RBM15: variants seen among roughly 807,000 people sequenced by gnomAD.
RBM15 encodes the protein RNA binding motif protein 15, also known as RNA-binding protein 15.
In RBM15, 8 loss-of-function variants were observed where a neutral mutation model predicts 62.6. That is an observed-to-expected ratio of 0.13 (90% CI 0.07 to 0.23). The LOEUF (loss-of-function observed/expected upper bound fraction) is 0.23. RBM15 is among the 10% of genes least tolerant of loss of function. The probability of loss-of-function intolerance (pLI) is 1.00; values close to 1 mark genes in which losing one functional copy is unlikely to be tolerated. For synonymous variants in RBM15, 606 were observed against 505.7 expected (o/e 1.20, Z -2.66); for missense variants, 1,144 against 1,286.5 (o/e 0.89, Z 1.69).
In RBM15 at chr1:110,340,193, A is replaced by G; in HGVS notation, c.788A>G (p.Lys263Arg). ...SRRRSRSPLD[K>R]DTYPPSASVV... ...CGCCGCAGCCGCTCCCCTTTAGACAAAGATACTTATCCTCCATCAGCCAGT... is the reference window on the plus strand; with the variant it reads ...CGCCGCAGCCGCTCCCCTTTAGACAGAGATACTTATCCTCCATCAGCCAGT... Residue 263 changes from lysine to arginine, a missense_variant, in exon 1 of 3, where the codon AAA becomes AGA. Lys to Arg is a conservative substitution (Grantham distance 26). Transcript: ENST00000369784. This position sits in a 1 kb window ranked among gnomAD's most constrained non-coding sequence, Gnocchi z 5.8. 6.2e-7 allele frequency: 1 copy of G among 1,614,108 alleles called. No individual in the cohort carries two copies. Among genetic ancestry groups the G allele is most frequent in the Non-Finnish European group, 8.5e-7 (1 of 1,179,982 alleles).
chr1:110,341,469 T>G lies in RBM15; in HGVS notation c.2064T>G (p.Asn688Lys). Residue 688 changes from asparagine (N) to lysine (K), a missense_variant, in exon 1 of 3, where the codon AAT becomes AAG. Asn to Lys is a moderately conservative substitution (Grantham distance 94). This residue lies in a region of RBM15 where 360 missense variants were observed against 342.9 expected (regional missense o/e 1.05). Coordinates refer to ENST00000369784, the MANE Select transcript of RBM15 (RefSeq NM_022768.5). This position sits in a 1 kb window ranked among gnomAD's most constrained non-coding sequence, Gnocchi z 4.5. ...GCCGGGATCGTTACAACAGCGACAA[T>G]GATCGATCTTCCCGTCTTCTCTTGG... Reference protein sequence around the residue: ...SSSRDRYNSDNDRSSRLLLER... With the variant: ...SSSRDRYNSDKDRSSRLLLER... 6.2e-7 allele frequency: 1 copy of G among 1,614,002 alleles called. No homozygotes were observed. Among genetic ancestry groups the G allele is most frequent in the Non-Finnish European group, 8.5e-7 (1 of 1,180,010 alleles).
At position 110,339,979 on chromosome 1, in the gene RBM15, C is replaced by G. The variant is rs748211303; in HGVS notation, c.574C>G (p.His192Asp). 1 of 1,613,850 alleles carries G rather than the reference C, an allele frequency of 6.2e-7. No individual in the cohort carries two copies. Among genetic ancestry groups the G allele is most frequent in the African/African-American group, 1.3e-5 (1 of 74,906 alleles). The stretch of plus-strand genomic sequence containing the variant: ...CGAAGCGGTGGAGGACGGCCTGTTT[C>G]ATGAGTTCAAACGCTTCGGTGATGT... ...SDEAVEDGLF[H>D]EFKRFGDVSV... Residue 192 changes from histidine to aspartate, a missense_variant, in exon 1 of 3, where the codon CAT (histidine) becomes GAT (aspartate). His to Asp is a moderately conservative substitution (Grantham distance 81, BLOSUM62 -1). This residue lies in a region of RBM15 where 15 missense variants were observed against 35.0 expected (regional missense o/e 0.43). Transcript: ENST00000369784.
At position 110,339,836 on chromosome 1, in the gene RBM15, C is replaced by A. The variant is rs1157018501; in HGVS notation, c.431C>A (p.Ser144Tyr). The A allele has an allele frequency of 6.2e-7, 1 of 1,600,138 alleles. No individual in the cohort carries two copies. The highest frequency in any genetic ancestry group is 1.7e-5 in the Admixed American group (1 of 59,512). ...GGCGGGGGCGAATCGCGCAGCAGCT[C>A]CCGGGGTGGAGGCGGGGAGTCACGT... ...SSGGGESRSS[S>Y]RGGGGESRSS... The change falls in exon 1 of 3, where the codon TCC (serine) becomes TAC (tyrosine). Residue 144 changes from serine (S) to tyrosine (Y), a missense_variant. This residue lies in a region of RBM15 where 298 missense variants were observed against 250.0 expected (regional missense o/e 1.19). Coordinates refer to ENST00000369784, the MANE Select transcript of RBM15 (RefSeq NM_022768.5).
chr1:110,342,591 T>C (rs1370451585), intron 1 of RBM15: 1 of 302,592 alleles, frequency 3.3e-6, no homozygotes, highest in African/African-American at 2.1e-5. Flanking sequence ...AATCTTGAGC[T>C]TAAAAAATCC....
Position 110,340,582 on chromosome 1 carries a change from G to T in RBM15, c.1177G>T (p.Ala393Ser). Residue 393 changes from alanine (A) to serine (S), a missense_variant, in exon 1 of 3, where the codon GCG (alanine) becomes TCG (serine). Physicochemically the swap from Ala to Ser is moderately conservative, Grantham distance 99 (BLOSUM62 1). This residue lies in a region of RBM15 where 105 missense variants were observed against 193.6 expected (regional missense o/e 0.54). Transcript: ENST00000369784. The surrounding 1 kb of genome is among the most constrained non-coding windows in gnomAD (Gnocchi z 5.8). ...ITVTESDLRR[A>S]FDRFGVITEV... The stretch of plus-strand genomic sequence containing the variant: ...TGTAACGGAGAGTGATTTAAGAAGG[G>T]CGTTTGATCGCTTTGGAGTCATCAC... 6.2e-7 allele frequency: 1 copy of T among 1,614,170 alleles called. No homozygotes were observed. Among genetic ancestry groups the T allele is most frequent in the Admixed American group, 1.7e-5 (1 of 60,018 alleles).
In RBM15 at chr1:110,345,664, A is replaced by G; in HGVS notation, c.*40+15A>G. 10 of 1,456,592 alleles carry G rather than the reference A, an allele frequency of 6.9e-6. No homozygotes were observed. Among genetic ancestry groups the G allele is most frequent in the Non-Finnish European group, 9.4e-6 (10 of 1,067,090 alleles). The allele number at this position is 1,456,592 out of a possible 1,614,324, so 90.2% of individuals were successfully genotyped here. ...AATGATTTCAGGTAACCACAGTGAA[A>G]TGTTAAGCTGAATGAAGAGTTTTAT... On this transcript the variant is annotated intron_variant, in intron 2 of 2. Coordinates refer to ENST00000369784, the MANE Select transcript of RBM15 (RefSeq NM_022768.5).
Position 110,345,773 on chromosome 1 carries a change from T to C in RBM15, c.*40+124T>C, listed in dbSNP as rs1660885612. ...ACAATTATTTGTATGAGTGTTTTATTAAAATAACGGCTGCTGTCTTTGGTA... is the reference window on the plus strand; with the variant it reads ...ACAATTATTTGTATGAGTGTTTTATCAAAATAACGGCTGCTGTCTTTGGTA... On this transcript the variant is annotated intron_variant, in intron 2 of 2. Transcript: ENST00000369784. The C allele has an allele frequency of 1.1e-5, 7 of 637,514 alleles. No individual in the cohort carries two copies. In the South Asian group the frequency reaches 1.7e-4, roughly 15 times the overall value. The allele number at this position is 637,514 out of a possible 1,614,324, so 39.5% of individuals were successfully genotyped here.
Position 110,342,064 on chromosome 1 carries a change from C to T in RBM15, c.2659C>T (p.Pro887Ser), listed in dbSNP as rs775418481. Residue 887 changes from proline to serine, a missense_variant, in exon 1 of 3, where the codon CCA (proline) becomes TCA (serine). By Grantham distance (74) the Pro-to-Ser change is moderately conservative. Around this residue, in one of 8 missense-constraint regions of RBM15, gnomAD observed 144 missense variants for 223.3 expected, o/e 0.64. Transcript: ENST00000369784. ...AGACACTGCCACTTCTACTCAGAGGCCACTTAGGAACCTTGTGTCCTATTT... is the reference window on the plus strand; with the variant it reads ...AGACACTGCCACTTCTACTCAGAGGTCACTTAGGAACCTTGTGTCCTATTT... ...ASDTATSTQR[P>S]LRNLVSYLKQ... is the part of the protein sequence containing the mutation. 1 of 1,614,218 alleles carries T rather than the reference C, an allele frequency of 6.2e-7. No individual in the cohort carries two copies. The highest frequency in any genetic ancestry group is 8.5e-7 in the Non-Finnish European group (1 of 1,180,038).
rs568538393 is a variant in RBM15 at position 110,339,864 on chromosome 1, C to T, written c.459C>T (p.Ser153=). Residue 153 remains serine (S), a synonymous_variant, in exon 1 of 3, where the codon TCC becomes TCT. Transcript: ENST00000369784. ...GGGGTGGAGGCGGGGAGTCACGTTC[C>T]TCTGGGGCCGCCTCCTCAGCTCCCG... ...SSRGGGGESR[S]SGAASSAPGG... 5 of 1,602,584 alleles carry T rather than the reference C, an allele frequency of 3.1e-6. No individual in the cohort carries two copies. The highest frequency in any genetic ancestry group is 1.3e-5 in the African/African-American group (1 of 74,746).
Position 110,340,636 on chromosome 1 carries a change from G to A in RBM15, c.1231G>A (p.Gly411Ser). Reference sequence around the variant, plus strand: ...AGTAGATATCAAGAGGCCTTCTCGCGGCCAGACTAGTACTTACGGCTTTCT... The same window carrying A: ...AGTAGATATCAAGAGGCCTTCTCGCAGCCAGACTAGTACTTACGGCTTTCT... ...TEVDIKRPSR[G>S]QTSTYGFLKF... The change falls in exon 1 of 3, where the codon GGC (glycine) becomes AGC (serine). Residue 411 changes from glycine to serine, a missense_variant. Transcript: ENST00000369784. This position sits in a 1 kb window ranked among gnomAD's most constrained non-coding sequence, Gnocchi z 5.8. 1 of 1,614,164 alleles carries A rather than the reference G, an allele frequency of 6.2e-7. No homozygotes were observed. The highest frequency in any genetic ancestry group is 8.5e-7 in the Non-Finnish European group (1 of 1,180,024).
At position 110,341,304 on chromosome 1, in the gene RBM15, C is replaced by G; in HGVS notation, c.1899C>G (p.Pro633=). Residue 633 remains proline, a synonymous_variant, in exon 1 of 3, where the codon CCC becomes CCG. Transcript: ENST00000369784. The surrounding 1 kb of genome is among the most constrained non-coding windows in gnomAD (Gnocchi z 4.5). ...LDRDRGDRDL[P]SSRDQPRKRR... ...GGGACAGAGGTGATCGAGATCTGCC[C>G]AGCAGCAGAGACCAGCCTAGGAAGC... is the stretch of plus-strand genomic sequence containing the variant. The G allele has an allele frequency of 6.2e-7, 1 of 1,614,114 alleles. No homozygotes were observed. Among genetic ancestry groups the G allele is most frequent in the Non-Finnish European group, 8.5e-7 (1 of 1,180,028 alleles).
intron 2 of RBM15, 69 bp from the exon 3 acceptor site, chr1:110,346,239 G>C: frequency 6.8e-7 from 1 of 1,479,630 alleles, no homozygotes; most frequent in East Asian, 2.3e-5. Context: ...ATGGCATAGG[G>C]GAAATATATA....
At chr1:110,343,629 CT>C (rs1213732567) in intron 1 of RBM15, among the ~76,000 whole-genome samples, 1 of 151,688 alleles carries the variant, frequency 6.6e-6, no homozygotes, top group African/African-American at 2.4e-5. Flanking sequence ...TGTCCCACCC[CT>C]AATTTGTCAG....
chr1:110,339,912 C>T lies in RBM15; in HGVS notation c.507C>T (p.Tyr169=). Residue 169 remains tyrosine, a synonymous_variant, in exon 1 of 3, where the codon TAC becomes TAT. Transcript: ENST00000369784. ...CCGGCGGCGGGGACGGCGCGGAATA[C>T]AAGACTCTGAAGATAAGCGAGTTGG... The part of the protein sequence containing the change: ...SAPGGGDGAE[Y]KTLKISELGS... 6.2e-7 allele frequency: 1 copy of T among 1,612,850 alleles called. No individual in the cohort carries two copies. The highest frequency in any genetic ancestry group is 1.3e-5 in the African/African-American group (1 of 75,014).
chr1:110,339,822 A>G lies in RBM15; in HGVS notation c.417A>G (p.Glu139=), dbSNP rs814771. Reference sequence around the variant, plus strand: ...CCAAAAATTCTTCGGGCGGGGGCGAATCGCGCAGCAGCTCCCGGGGTGGAG... The same window carrying G: ...CCAAAAATTCTTCGGGCGGGGGCGAGTCGCGCAGCAGCTCCCGGGGTGGAG... ...PSTKNSSGGG[E]SRSSSRGGGG... Residue 139 remains glutamate (E), a synonymous_variant, in exon 1 of 3, where the codon GAA becomes GAG. Coordinates refer to ENST00000369784, the MANE Select transcript of RBM15 (RefSeq NM_022768.5). 0.74 allele frequency: 1,189,694 copies of G among 1,597,778 alleles called. 445,310 individuals are homozygous for G. Among genetic ancestry groups the G allele is most frequent in the African/African-American group, 0.93 (69,113 of 74,658 alleles).
Position 110,341,409 on chromosome 1 carries a change from T to G in RBM15, c.2004T>G (p.Ala668=). 1 of 1,614,110 alleles carries G rather than the reference T, an allele frequency of 6.2e-7. No homozygotes were observed. Among genetic ancestry groups the G allele is most frequent in the Non-Finnish European group, 8.5e-7 (1 of 1,180,010 alleles). ...ACCGCCCACGAAAACGTCACTGCGC[T>G]CCTTCTCCTGACCGCAGTCCAGAAT... is the stretch of plus-strand genomic sequence containing the variant. The part of the protein sequence containing the change: ...ESDRPRKRHC[A]PSPDRSPELS... Residue 668 remains alanine (A), a synonymous_variant, in exon 1 of 3, where the codon GCT becomes GCG. Coordinates refer to ENST00000369784, the MANE Select transcript of RBM15 (RefSeq NM_022768.5). This position sits in a 1 kb window ranked among gnomAD's most constrained non-coding sequence, Gnocchi z 4.5.
chr1:110,343,939 A>T (rs1193264855), intron 1 of RBM15, among the ~76,000 whole-genome samples: 1 of 152,206 alleles, frequency 6.6e-6, no homozygotes, highest in Non-Finnish European at 1.5e-5. Context: ...CTGCTGTGTC[A>T]TCCCTCTTGG....
chr1:110,340,134 G>A lies in RBM15; in HGVS notation c.729G>A (p.Arg243=), dbSNP rs1429514261. ...HARGRLVLYD[R]PLKIEAVYVS... ...GAGGCCGCCTGGTGCTCTATGACCG[G>A]CCTCTGAAGATAGAAGCTGTGTATG... The change falls in exon 1 of 3, where the codon CGG becomes CGA. Residue 243 remains arginine (R), a synonymous_variant. Coordinates refer to ENST00000369784, the MANE Select transcript of RBM15 (RefSeq NM_022768.5). The surrounding 1 kb of genome is among the most constrained non-coding windows in gnomAD (Gnocchi z 5.8). 1 of 1,613,790 alleles carries A rather than the reference G, an allele frequency of 6.2e-7. No homozygotes were observed. Among genetic ancestry groups the A allele is most frequent in the South Asian group, 1.1e-5 (1 of 91,084 alleles).
At position 110,342,162 on chromosome 1, in the gene RBM15, C is replaced by G. The variant is rs139425937; in HGVS notation, c.2757C>G (p.Val919=). The G allele has an allele frequency of 6.2e-7, 1 of 1,614,144 alleles. No individual in the cohort carries two copies. Among genetic ancestry groups the G allele is most frequent in the African/African-American group, 1.3e-5 (1 of 75,062 alleles). ...ACAAAGACAAGGAAAACACCGGGGTCCTTCATGCCTTCCCACCTTGTGAGT... is the reference window on the plus strand; with the variant it reads ...ACAAAGACAAGGAAAACACCGGGGTGCTTCATGCCTTCCCACCTTGTGAGT... ...GGNKDKENTG[V]LHAFPPCEFS... Residue 919 remains valine, a synonymous_variant, in exon 1 of 3, where the codon GTC becomes GTG. Transcript: ENST00000369784.
Sources: allele counts gnomAD v4.1 joint callset (sites outside exome capture counted in the v4.1 genomes callset), GRCh38; gene constraint gnomAD v4.1.1; regional missense constraint gnomAD v4.1.1; non-coding constraint Gnocchi (gnomAD v3.1); transcripts MANE v1.5; gene names NCBI Gene and HGNC (gene_info 2026-07-23, HGNC 2026-07-21).